ASPH: variants seen among roughly 807,000 people sequenced by gnomAD.
The protein encoded by ASPH is aspartate beta-hydroxylase.
A neutral mutation model predicts 118.4 loss-of-function variants in ASPH; 100 were observed. The ratio of observed to expected loss-of-function variants is 0.84; its 90% CI spans 0.72 to 1.00. The LOEUF is 1.00. Ranked by LOEUF, ASPH falls within the 50% of genes least tolerant of loss-of-function variation. The pLI, the probability that ASPH is intolerant of heterozygous loss-of-function variation, is 0.00. For missense variants in ASPH, 920 were observed against 919.5 expected, an observed-to-expected ratio of 1.00 and a Z score of -0.01; for synonymous variants, 315 against 325.6, an observed-to-expected ratio of 0.97 and a Z score of 0.35.
chr8:61,601,375 T>C (rs1156847120), intron 14 of ASPH, among the ~76,000 whole-genome samples: 1 of 151,046 alleles, frequency 6.6e-6, no homozygotes, highest in Non-Finnish European at 1.5e-5. Context: ...ACCTCGTCTC[T>C]ACTAAAAATA....
intron 3 of ASPH, chr8:61,663,199 G>A: frequency 3.0e-6 from 3 of 985,332 alleles, no homozygotes; most frequent in Non-Finnish European, 3.6e-6. Context: ...AGTTTTCAAA[G>A]CCTCACTTTC....
chr8:61,599,954 G>A (rs1438385846), intron 14 of ASPH, among the ~76,000 whole-genome samples: 2 of 151,922 alleles, frequency 1.3e-5, no homozygotes, highest in African/African-American at 2.4e-5. Context: ...ACACAACAAC[G>A]ACAACAAGAA....
intron 1 of ASPH, among the ~76,000 whole-genome samples, chr8:61,710,897 T>C (rs981864891): frequency 6.6e-6 from 1 of 152,152 alleles, no homozygotes; most frequent in Non-Finnish European, 1.5e-5. Flanking sequence ...TGTTTCTAAA[T>C]GACAAATACT....
chr8:61,554,439 TGAAA>T (rs1205811627), intron 19 of ASPH, among the ~76,000 whole-genome samples: 1 of 152,198 alleles, frequency 6.6e-6, no homozygotes, highest in African/African-American at 2.4e-5. Flanking sequence ...TTAAGTCATG[TGAAA>T]GAAAGAGATC....
Position 61,627,437 on chromosome 8 carries a change from G to A in ASPH, c.934+6246C>T, listed in dbSNP as rs73267220. 5.5e-3 allele frequency among the ~76,000 whole-genome samples: 843 copies of A among 152,286 alleles called. 8 individuals carry two copies. Among genetic ancestry groups the A allele is most frequent in the African/African-American group, 0.019 (804 of 41,556 alleles). ...ACCTCTGGTTGGGGTATGACTCAGA[G>A]GTAGGAAGAGGGAGACATTTCTGGG... On this transcript the variant is annotated intron_variant, in intron 13 of 24. Coordinates refer to ENST00000379454, the MANE Select transcript of ASPH (RefSeq NM_004318.4).
At chr8:61,629,780 C>G (rs1317495926) in intron 13 of ASPH, among the ~76,000 whole-genome samples, 1 of 152,200 alleles carries the variant, frequency 6.6e-6, no homozygotes, top group Non-Finnish European at 1.5e-5. Flanking sequence ...CACACCAAAA[C>G]TGCTCTCAAA....
At chr8:61,616,291 GGTA>G (rs976232552) in intron 14 of ASPH, among the ~76,000 whole-genome samples, 1 of 152,200 alleles carries the variant, frequency 6.6e-6, no homozygotes, top group Non-Finnish European at 1.5e-5. Context: ...TGCAGGGGAA[GGTA>G]CGGGCTGCTA....
chr8:61,542,182 T>A (rs1822219305), intron 21 of ASPH, among the ~76,000 whole-genome samples: 1 of 152,210 alleles, frequency 6.6e-6, no homozygotes, highest in South Asian at 2.1e-4. Flanking sequence ...ATTTTGTTAA[T>A]CTGTACTTTT....
rs189799928 is a variant in ASPH at position 61,664,227 on chromosome 8, T to C, written c.323-10567A>G. ...AAATGTTTTCTAAGGTGCTAAATTCTGATCTCTAGTGAAGAGATTACATTT... is the reference window on the plus strand; with the variant it reads ...AAATGTTTTCTAAGGTGCTAAATTCCGATCTCTAGTGAAGAGATTACATTT... On this transcript the variant is annotated intron_variant, in intron 3 of 24. Transcript: ENST00000379454. 4.1e-6 allele frequency: 4 copies of C among 967,382 alleles called. No homozygotes were observed. The Admixed American group carries it at 1.8e-4, about 45-fold the overall frequency. 59.9% of individuals were successfully genotyped at this position (967,382 alleles called of 1,614,324 possible). A position where few individuals can be genotyped will look rare whatever the true frequency, so the allele number is the denominator to read the frequency against.
At chr8:61,566,308 C>T (rs1831655789) in intron 17 of ASPH, among the ~76,000 whole-genome samples, 1 of 152,118 alleles carries the variant, frequency 6.6e-6, no homozygotes, top group African/African-American at 2.4e-5. Context: ...AGCAAGATAA[C>T]TAGAATTAGA....
chr8:61,664,696 C>T (rs1298628686), intron 3 of ASPH: 2 of 985,536 alleles, frequency 2.0e-6, no homozygotes, highest in African/African-American at 3.5e-5. Context: ...GAAGGAGAAC[C>T]CATGAAAAGC....
chr8:61,609,454 A>G (rs1462396729), intron 14 of ASPH, among the ~76,000 whole-genome samples: 1 of 152,138 alleles, frequency 6.6e-6, no homozygotes. Context: ...CGGGCATGGT[A>G]GCAGCAAAGG....
intron 14 of ASPH, among the ~76,000 whole-genome samples, chr8:61,592,611 A>T (rs1409548756): frequency 6.6e-6 from 1 of 152,242 alleles, no homozygotes; most frequent in African/African-American, 2.4e-5. Context: ...AAACAATTTA[A>T]GGGAAGGAAA....
At chr8:61,614,564 C>T (rs1301198541) in intron 14 of ASPH, among the ~76,000 whole-genome samples, 1 of 152,164 alleles carries the variant, frequency 6.6e-6, no homozygotes, top group Non-Finnish European at 1.5e-5. Context: ...TAGTTCACTG[C>T]AGCATCGATC....
At chr8:61,632,526 T>C in intron 13 of ASPH, 1 of 194,400 alleles carries the variant, frequency 5.1e-6, no homozygotes, top group Non-Finnish European at 1.1e-5. Flanking sequence ...AAATATCAGC[T>C]GCCCTTGCCC....
intron 3 of ASPH, among the ~76,000 whole-genome samples, chr8:61,677,931 C>G (rs1456445851): frequency 6.6e-6 from 1 of 152,098 alleles, no homozygotes; most frequent in Non-Finnish European, 1.5e-5. Context: ...TTTACCCAGC[C>G]AAGCAACCTT....
chr8:61,558,775 G>A (rs1828787372), intron 18 of ASPH, among the ~76,000 whole-genome samples: 1 of 152,150 alleles, frequency 6.6e-6, no homozygotes, highest in African/African-American at 2.4e-5. Context: ...CAAACCCTCA[G>A]AAAATGACAA....
At chr8:61,665,033 ACAT>A (rs1305697387) in intron 3 of ASPH, 2 of 1,279,294 alleles carry the variant, frequency 1.6e-6, no homozygotes, top group Non-Finnish European at 2.0e-6. Flanking sequence ...AGAAGTTATT[ACAT>A]CATATTCTAT....
At chr8:61,588,155 T>C (rs981591285) in intron 14 of ASPH, among the ~76,000 whole-genome samples, 4 of 152,244 alleles carry the variant, frequency 2.6e-5, no homozygotes, top group Non-Finnish European at 5.9e-5. Context: ...CTATCTATGC[T>C]ATATATAAAT....
Sources: gnomAD v4.1 joint callset for allele counts (sites outside exome capture counted in the v4.1 genomes callset) on GRCh38, gnomAD v4.1.1 for gene constraint, MANE v1.5 for transcripts, NCBI Gene and HGNC (gene_info 2026-07-23, HGNC 2026-07-21) for gene names.